The following GABRG3 variants were observed in gnomAD, a reference collection of about 807,000 sequenced individuals.
The protein encoded by GABRG3 is gamma-aminobutyric acid receptor subunit gamma-3.
A neutral mutation model predicts 48.8 loss-of-function variants in GABRG3; 25 were observed. The ratio of observed to expected loss-of-function variants is 0.51; its 90% CI spans 0.37 to 0.72. The LOEUF is 0.72. Ranked by LOEUF, GABRG3 falls within the 30% of genes least tolerant of loss-of-function variation. The pLI is 0.00. For synonymous variants in GABRG3, 227 were observed against 217.6 expected (o/e 1.04, Z -0.38); for missense variants, 394 against 577.9 (o/e 0.68, Z 3.26).
chr15:27,119,483 C>A (rs1218232072), intron 3 of GABRG3, among the ~76,000 whole-genome samples: 1 of 152,170 alleles, frequency 6.6e-6, no homozygotes, highest in Admixed American at 6.5e-5. Context: ...TGATAGTTAT[C>A]TACTGCTGTG....
chr15:27,403,881 A>G (rs1187426421), intron 5 of GABRG3, among the ~76,000 whole-genome samples: 6 of 141,744 alleles, frequency 4.2e-5, no homozygotes, highest in Admixed American at 2.9e-4. Context: ...CGCTGCACTT[A>G]AGCCTGGTGA....
intron 5 of GABRG3, among the ~76,000 whole-genome samples, chr15:27,471,703 C>T (rs1486710539): frequency 6.6e-6 from 1 of 152,070 alleles, no homozygotes; most frequent in African/African-American, 2.4e-5. Flanking sequence ...AAGAATGGAT[C>T]CAAATTGATT....
chr15:27,404,048 C>T (rs894725128), intron 5 of GABRG3, among the ~76,000 whole-genome samples: 1 of 151,904 alleles, frequency 6.6e-6, no homozygotes, highest in African/African-American at 2.4e-5. Context: ...GGTGAAACCC[C>T]GTCTCTACTA....
At chr15:27,458,708 A>G (rs1211049381) in intron 5 of GABRG3, among the ~76,000 whole-genome samples, 1 of 152,194 alleles carries the variant, frequency 6.6e-6, no homozygotes, top group Non-Finnish European at 1.5e-5. Flanking sequence ...AAAATAACCA[A>G]AAGGAGAAAA....
intron 5 of GABRG3, among the ~76,000 whole-genome samples, chr15:27,473,343 A>G (rs1049809382): frequency 1.3e-5 from 2 of 152,182 alleles, no homozygotes; most frequent in Admixed American, 6.5e-5. Flanking sequence ...AAAGGGGAGA[A>G]ATACACCTGT....
At chr15:27,028,614 G>A (rs532731952) in intron 3 of GABRG3, among the ~76,000 whole-genome samples, 2 of 151,988 alleles carry the variant, frequency 1.3e-5, no homozygotes, top group Admixed American at 6.6e-5. Context: ...AGACCAGCCT[G>A]GTCAACGTGA....
At chr15:27,171,093 A>G (rs1193888179) in intron 3 of GABRG3, among the ~76,000 whole-genome samples, 1 of 152,158 alleles carries the variant, frequency 6.6e-6, no homozygotes, top group Non-Finnish European at 1.5e-5. Context: ...GGAGAGGACC[A>G]GTGTCTCACA....
chr15:27,529,296 G>A (rs1891358049), intron 9 of GABRG3, among the ~76,000 whole-genome samples: 1 of 152,206 alleles, frequency 6.6e-6, no homozygotes, highest in South Asian at 2.1e-4. Context: ...AGAGGGTAGA[G>A]TGTAGCTTTA....
At chr15:27,038,086 C>T (rs566301738) in intron 3 of GABRG3, among the ~76,000 whole-genome samples, 7 of 152,250 alleles carry the variant, frequency 4.6e-5, no homozygotes, top group East Asian at 3.9e-4. Flanking sequence ...GTCCATGCTC[C>T]GTAACTAGTC....
intron 3 of GABRG3, among the ~76,000 whole-genome samples, chr15:27,036,466 CG>C (rs1896180187): frequency 6.6e-6 from 1 of 152,040 alleles, no homozygotes; most frequent in South Asian, 2.1e-4. Flanking sequence ...CTGAGGCGGG[CG>C]GATCATGAGG....
At chr15:27,324,686 C>T (rs982141742) in intron 3 of GABRG3, among the ~76,000 whole-genome samples, 22 of 152,162 alleles carry the variant, frequency 1.4e-4, no homozygotes, top group African/African-American at 4.8e-4. Context: ...TCCTTAAAAC[C>T]GAGCCAACTT....
chr15:27,383,925 G>A (rs1373638345), intron 5 of GABRG3, among the ~76,000 whole-genome samples: 1 of 152,178 alleles, frequency 6.6e-6, no homozygotes, highest in Non-Finnish European at 1.5e-5. Flanking sequence ...GATGCATTCA[G>A]TAGTGGAATG....
At chr15:27,056,165 A>G (rs565579517) in intron 3 of GABRG3, among the ~76,000 whole-genome samples, 7 of 151,852 alleles carry the variant, frequency 4.6e-5, no homozygotes, top group Non-Finnish European at 1.0e-4. Context: ...CCTGGGCAAC[A>G]TGGAGAAAAC....
intron 6 of GABRG3, among the ~76,000 whole-genome samples, chr15:27,506,793 T>G (rs1466449344): frequency 2.1e-5 from 3 of 144,508 alleles, no homozygotes; most frequent in East Asian, 1.9e-4. Context: ...ACTTTTGGGT[T>G]TTTTTTTCTT....
At chr15:27,114,670 CAT>C (rs1422949499) in intron 3 of GABRG3, among the ~76,000 whole-genome samples, 1 of 152,114 alleles carries the variant, frequency 6.6e-6, no homozygotes, top group African/African-American at 2.4e-5. Flanking sequence ...GTGTTTTCTG[CAT>C]AGTTTTAGCT....
At chr15:27,021,990 A>G (rs1414031183) in intron 2 of GABRG3, among the ~76,000 whole-genome samples, 2 of 152,174 alleles carry the variant, frequency 1.3e-5, no homozygotes, top group Non-Finnish European at 2.9e-5. Context: ...TGCCACCTCC[A>G]TGCTCTGGGG....
chr15:27,393,261 G>A (rs1045633257), intron 5 of GABRG3, among the ~76,000 whole-genome samples: 7 of 151,102 alleles, frequency 4.6e-5, no homozygotes, highest in South Asian at 2.1e-4. Flanking sequence ...GGAGAATGGC[G>A]TGAACCCGGG....
intron 3 of GABRG3, among the ~76,000 whole-genome samples, chr15:27,059,147 A>G (rs1387177137): frequency 6.6e-6 from 1 of 152,228 alleles, no homozygotes; most frequent in Non-Finnish European, 1.5e-5. Context: ...GAAGCAGAAG[A>G]CAATGAAGGC....
intron 6 of GABRG3, among the ~76,000 whole-genome samples, chr15:27,504,506 C>T (rs1890717864): frequency 6.6e-6 from 1 of 152,148 alleles, no homozygotes; most frequent in Admixed American, 6.5e-5. Flanking sequence ...TTATATTTCT[C>T]CATTCCCAAA....
Sources: allele counts gnomAD v4.1 joint callset (sites outside exome capture counted in the v4.1 genomes callset), GRCh38; gene constraint gnomAD v4.1.1; transcripts MANE v1.5; gene names NCBI Gene and HGNC (gene_info 2026-07-23, HGNC 2026-07-21).